The following KSR2 variants were observed in gnomAD, a reference collection of about 807,000 sequenced individuals.
KSR2 encodes the protein kinase suppressor of ras 2.
Under a neutral mutation model 107.8 loss-of-function variants are expected in KSR2, and 25 were observed. The observed-to-expected ratio is 0.23, with a 90% CI of 0.17 to 0.32. The LOEUF (loss-of-function observed/expected upper bound fraction) is 0.32, where lower values mean the gene tolerates loss of function less well. Ranked by LOEUF, KSR2 falls within the 10% of genes least tolerant of loss-of-function variation. The pLI, the probability that KSR2 is intolerant of heterozygous loss-of-function variation, is 1.00. For synonymous variants in KSR2, 480 were observed against 507.0 expected (o/e 0.95, Z 0.71); for missense variants, 887 against 1,268.9 (o/e 0.70, Z 4.57).
intron 3 of KSR2, among the ~76,000 whole-genome samples, chr12:117,805,989 G>T (rs1304965346): frequency 1.3e-5 from 2 of 151,956 alleles, no homozygotes; most frequent in African/African-American, 2.4e-5. Flanking sequence ...CTCAAAAAAA[G>T]AAACAAGAAA....
chr12:117,618,057 T>A (rs1259397665), intron 5 of KSR2, among the ~76,000 whole-genome samples: 1 of 152,238 alleles, frequency 6.6e-6, no homozygotes, highest in African/African-American at 2.4e-5. Context: ...TCTGGTAACT[T>A]TTTATTGAAT....
intron 4 of KSR2, among the ~76,000 whole-genome samples, chr12:117,742,995 A>G (rs1888278975): frequency 6.6e-6 from 1 of 152,230 alleles, no homozygotes; most frequent in Non-Finnish European, 1.5e-5. Flanking sequence ...TCCTCGGACC[A>G]TCACATGTAT....
chr12:117,542,184 G>A (rs907041925), intron 9 of KSR2, among the ~76,000 whole-genome samples: 5 of 152,040 alleles, frequency 3.3e-5, no homozygotes, highest in Admixed American at 6.6e-5. Flanking sequence ...GGGTCAATGC[G>A]GTCGGCCTCC....
intron 15 of KSR2, 70 bp downstream of exon 15, chr12:117,485,525 T>A: frequency 8.7e-7 from 1 of 1,148,976 alleles, no homozygotes; most frequent in South Asian, 1.2e-5. Context: ...AGCCCTGGGG[T>A]AGGGGGGCTT....
At chr12:117,502,206 T>C (rs146487790) in intron 14 of KSR2, among the ~76,000 whole-genome samples, 19 of 152,376 alleles carry the variant, frequency 1.2e-4, no homozygotes, top group Non-Finnish European at 2.2e-4. Flanking sequence ...TGTCAATGCA[T>C]GCATGTGCAT....
chr12:117,477,941 C>T (rs1871892717), intron 16 of KSR2, among the ~76,000 whole-genome samples: 7 of 152,302 alleles, frequency 4.6e-5, no homozygotes, highest in Admixed American at 3.3e-4. Context: ...AGGCTGGCTC[C>T]CTTCTTTCAC....
chr12:117,951,025 A>C (rs1896349845), intron 1 of KSR2, among the ~76,000 whole-genome samples: 1 of 151,870 alleles, frequency 6.6e-6, no homozygotes, highest in Non-Finnish European at 1.5e-5. Context: ...CTCCTGCCTT[A>C]GCCTCCCAAG....
chr12:117,476,911 C>T lies in KSR2; in HGVS notation c.2451-316G>A, dbSNP rs546106022. ...TACGTTCTATAAAGTCACTGGAACA[C>T]GGAATTAGCAGAATACTGAATCATT... On this transcript the variant is annotated intron_variant, in intron 16 of 19. Transcript: ENST00000339824. Among the ~76,000 whole-genome samples the T allele has an allele frequency of 7.2e-5, 11 of 152,260 alleles. No homozygotes were observed. In the East Asian group the frequency reaches 9.6e-4, roughly 13 times the overall value.
chr12:117,793,298 A>C (rs1188893712), intron 3 of KSR2, among the ~76,000 whole-genome samples: 5 of 107,276 alleles, frequency 4.7e-5, no homozygotes, highest in Non-Finnish European at 5.4e-5. Context: ...CATACCATAC[A>C]CACAACATGC....
chr12:117,597,091 G>A (rs527944266), intron 5 of KSR2, among the ~76,000 whole-genome samples: 2 of 152,232 alleles, frequency 1.3e-5, no homozygotes, highest in African/African-American at 4.8e-5. Context: ...TATCATCAAT[G>A]TAGTAGTGGT....
chr12:117,928,112 T>C (rs1480251623), intron 1 of KSR2, among the ~76,000 whole-genome samples: 1 of 152,142 alleles, frequency 6.6e-6, no homozygotes, highest in Non-Finnish European at 1.5e-5. Context: ...CTGGCTTCTT[T>C]CACTCAGCAT....
At chr12:117,892,995 A>T (rs541880065) in intron 1 of KSR2, among the ~76,000 whole-genome samples, 7 of 151,902 alleles carry the variant, frequency 4.6e-5, no homozygotes, top group African/African-American at 7.3e-5. Flanking sequence ...TGAAGGGGGA[A>T]ACTGGGATGA....
intron 16 of KSR2, among the ~76,000 whole-genome samples, chr12:117,483,436 G>C (rs999194277): frequency 1.3e-5 from 2 of 151,698 alleles, no homozygotes; most frequent in African/African-American, 2.4e-5. Context: ...TGAAACTGAA[G>C]TAAAATGAGA....
intron 1 of KSR2, among the ~76,000 whole-genome samples, chr12:117,943,517 A>C (rs1016661262): frequency 6.8e-6 from 1 of 147,770 alleles, no homozygotes; most frequent in Non-Finnish European, 1.5e-5. Context: ...AAAAAAAAAA[A>C]AAAAAAAAAA....
rs111200406 is a variant in KSR2 at position 117,794,088 on chromosome 12, T to A, written c.473-32564A>T. Among the ~76,000 whole-genome samples, 113 of 51,226 alleles carry A rather than the reference T, an allele frequency of 2.2e-3. 2 individuals carry two copies. Among genetic ancestry groups the A allele is most frequent in the East Asian group, 5.3e-3 (9 of 1,704 alleles). 33.6% of individuals were successfully genotyped at this position (51,226 alleles called of 152,430 possible). ...TGCACACATACACCAACATGCACAC[T>A]CACACCAACATGCACACTCACACCA... On this transcript the variant is annotated intron_variant, in intron 3 of 19. Transcript: ENST00000339824.
chr12:117,743,793 G>A (rs779987840), intron 4 of KSR2, among the ~76,000 whole-genome samples: 1 of 152,126 alleles, frequency 6.6e-6, no homozygotes, highest in Non-Finnish European at 1.5e-5. Flanking sequence ...GACCTCAGAT[G>A]CACTTAGCCA....
intron 4 of KSR2, among the ~76,000 whole-genome samples, chr12:117,760,254 C>A (rs1219289249): frequency 6.6e-6 from 1 of 152,202 alleles, no homozygotes; most frequent in Non-Finnish European, 1.5e-5. Context: ...CTGCCTAATC[C>A]TCGAGTCTCA....
chr12:117,517,896 A>G, intron 14 of KSR2: 1 of 455,664 alleles, frequency 2.2e-6, no homozygotes, highest in South Asian at 1.6e-5. Flanking sequence ...TACAGGAGTT[A>G]CAGAAAAAGC....
intron 4 of KSR2, among the ~76,000 whole-genome samples, chr12:117,733,164 A>G (rs1212232714): frequency 2.6e-5 from 4 of 152,124 alleles, no homozygotes. Context: ...CCAGGCTGAG[A>G]GCCATTCTAG....
Sources: gnomAD v4.1 joint callset for allele counts (sites outside exome capture counted in the v4.1 genomes callset) on GRCh38, gnomAD v4.1.1 for gene constraint, MANE v1.5 for transcripts, NCBI Gene and HGNC (gene_info 2026-07-23, HGNC 2026-07-21) for gene names.